The following EXOC4 variants were observed in gnomAD, a reference collection of about 807,000 sequenced individuals.
EXOC4 encodes SEC8-like 1.
Under a neutral mutation model 107.2 loss-of-function variants are expected in EXOC4, and 71 were observed. That is an observed-to-expected ratio of 0.66 (90% confidence interval 0.55 to 0.81). The LOEUF (loss-of-function observed/expected upper bound fraction) is 0.81, where lower values mean the gene tolerates loss of function less well. Ranked by LOEUF, EXOC4 falls within the 30% of genes least tolerant of loss-of-function variation. The pLI is 0.00. For missense variants in EXOC4, 1,108 were observed against 1,189.6 expected, an observed-to-expected ratio of 0.93 and a Z score of 1.01; for synonymous variants, 456 against 441.2, an observed-to-expected ratio of 1.03 and a Z score of -0.42.
intron 11 of EXOC4, among the ~76,000 whole-genome samples, chr7:133,843,221 T>C (rs1342876392): frequency 1.3e-5 from 2 of 152,220 alleles, no homozygotes; most frequent in Non-Finnish European, 2.9e-5. Context: ...CATTGGTAGT[T>C]TGATAGGAAT....
At chr7:133,630,558 A>G (rs1242727950) in intron 10 of EXOC4, among the ~76,000 whole-genome samples, 1 of 152,100 alleles carries the variant, frequency 6.6e-6, no homozygotes, top group East Asian at 1.9e-4. Flanking sequence ...CTTTTGTGCT[A>G]CAAGTGCAGA....
chr7:133,301,583 G>T (rs1010640813), intron 3 of EXOC4, among the ~76,000 whole-genome samples: 2 of 152,098 alleles, frequency 1.3e-5, no homozygotes, highest in African/African-American at 4.8e-5. Flanking sequence ...TTCAACAATG[G>T]CAATACATTT....
intron 9 of EXOC4, among the ~76,000 whole-genome samples, chr7:133,505,515 T>G (rs1164784411): frequency 1.3e-5 from 2 of 152,160 alleles, no homozygotes; most frequent in Non-Finnish European, 2.9e-5. Flanking sequence ...AATATTTTGT[T>G]TTAATGACAT....
intron 10 of EXOC4, among the ~76,000 whole-genome samples, chr7:133,809,212 C>A (rs1052389034): frequency 6.6e-6 from 1 of 152,086 alleles, no homozygotes; most frequent in Non-Finnish European, 1.5e-5. Context: ...TTGTAGCACA[C>A]GTAATTCATT....
At chr7:133,265,520 A>T (rs1319947840) in intron 1 of EXOC4, among the ~76,000 whole-genome samples, 1 of 152,044 alleles carries the variant, frequency 6.6e-6, no homozygotes, top group Admixed American at 6.6e-5. Context: ...TAGTTTATCC[A>T]CTTAGGGGCC....
intron 4 of EXOC4, among the ~76,000 whole-genome samples, chr7:133,311,825 T>C (rs942243030): frequency 6.6e-6 from 1 of 152,128 alleles, no homozygotes; most frequent in Non-Finnish European, 1.5e-5. Flanking sequence ...AAAATACAAA[T>C]GGCTAATAAA....
chr7:133,977,853 T>C (rs1793879812), intron 14 of EXOC4, among the ~76,000 whole-genome samples: 2 of 152,138 alleles, frequency 1.3e-5, no homozygotes, highest in Non-Finnish European at 1.5e-5. Flanking sequence ...GTGGAGCCTC[T>C]CTGACTAAGG....
intron 10 of EXOC4, among the ~76,000 whole-genome samples, chr7:133,656,513 A>C (rs1308103653): frequency 6.6e-6 from 1 of 152,128 alleles, no homozygotes; most frequent in African/African-American, 2.4e-5. Flanking sequence ...TAAAATGGTG[A>C]GTGATCCTAT....
At chr7:133,529,592 A>C (rs1232361847) in intron 9 of EXOC4, among the ~76,000 whole-genome samples, 1 of 152,144 alleles carries the variant, frequency 6.6e-6, no homozygotes, top group Admixed American at 6.6e-5. Flanking sequence ...CCAATTAGTA[A>C]ATTGTGAAGC....
At chr7:133,814,526 T>A (rs2550990) in intron 10 of EXOC4, among the ~76,000 whole-genome samples, 1 of 152,180 alleles carries the variant, frequency 6.6e-6, no homozygotes, top group East Asian at 1.9e-4. Flanking sequence ...GATATAGCTC[T>A]CAGAAGAATT....
At chr7:133,362,273 G>A (rs1796152669) in intron 6 of EXOC4, among the ~76,000 whole-genome samples, 1 of 152,010 alleles carries the variant, frequency 6.6e-6, no homozygotes, top group Non-Finnish European at 1.5e-5. Flanking sequence ...GATACATCTG[G>A]GATCTGAAGG....
downstream of EXOC4, among the ~76,000 whole-genome samples, chr7:134,069,277 C>T (rs1229407589): frequency 2.9e-5 from 4 of 137,138 alleles, no homozygotes; most frequent in Non-Finnish European, 6.1e-5. Flanking sequence ...CTCTTCTCCT[C>T]CTCCTTCTCC....
At chr7:133,930,356 T>G (rs1468508775) in intron 13 of EXOC4, 1 of 152,236 alleles carries the variant, frequency 6.6e-6, no homozygotes, top group Non-Finnish European at 1.5e-5. Context: ...CCAAGCTTAT[T>G]TGAGTGTCTT....
In EXOC4 at chr7:133,997,483, A is replaced by C; in HGVS notation, c.2207-9A>C. 6.2e-6 allele frequency: 10 copies of C among 1,613,334 alleles called. 1 individual carries two copies. Among genetic ancestry groups the C allele is most frequent in the Middle Eastern group, 1.7e-4 (1 of 6,052 alleles). On this transcript the variant is annotated splice_polypyrimidine_tract_variant and intron_variant, in intron 14 of 17. Coordinates refer to ENST00000253861, the MANE Select transcript of EXOC4 (RefSeq NM_021807.4). ...ATGAAATGATTGGTGTTTTATCCTT[A>C]CCTTTCAGTGCTTTCTCCTGCTCAA...
At chr7:133,278,182 A>G (rs1794042368) in intron 2 of EXOC4, among the ~76,000 whole-genome samples, 1 of 152,236 alleles carries the variant, frequency 6.6e-6, no homozygotes, top group South Asian at 2.1e-4. Flanking sequence ...GAGGATAGAA[A>G]ACGAACAAAT....
chr7:133,728,130 G>A (rs573073215), intron 10 of EXOC4, among the ~76,000 whole-genome samples: 3 of 152,236 alleles, frequency 2.0e-5, no homozygotes, highest in Admixed American at 6.5e-5. Flanking sequence ...AGCAACAGCC[G>A]AAGTCAATAT....
At chr7:133,410,901 A>T (rs748076268) in intron 7 of EXOC4, among the ~76,000 whole-genome samples, 1 of 152,146 alleles carries the variant, frequency 6.6e-6, no homozygotes, top group Non-Finnish European at 1.5e-5. Context: ...ATTCTATTTG[A>T]ATAATACATC....
At chr7:133,396,430 G>T (rs776189428) in intron 7 of EXOC4, 1 of 152,122 alleles carries the variant, frequency 6.6e-6, no homozygotes, top group African/African-American at 2.4e-5. Context: ...CAGTGAACCA[G>T]GCTTTGAATC....
intron 7 of EXOC4, among the ~76,000 whole-genome samples, chr7:133,431,313 G>A (rs1347953920): frequency 6.6e-6 from 1 of 152,116 alleles, no homozygotes; most frequent in East Asian, 1.9e-4. Flanking sequence ...GTTTACTGCT[G>A]AGGCTAGCAT....
Sources: allele counts gnomAD v4.1 joint callset (sites outside exome capture counted in the v4.1 genomes callset), GRCh38; gene constraint gnomAD v4.1.1; transcripts MANE v1.5; gene names NCBI Gene and HGNC (gene_info 2026-07-23, HGNC 2026-07-21).